Variants in GRIP1 observed in about 807,000 individuals in gnomAD.
GRIP1 encodes the protein glutamate receptor-interacting protein 1.
In GRIP1, 45 loss-of-function variants were observed where a neutral mutation model predicts 129.9. The ratio of observed to expected loss-of-function variants is 0.35; its 90% CI spans 0.27 to 0.44. The LOEUF is 0.44. GRIP1 is among the 20% of genes least tolerant of loss of function. The pLI, the probability that GRIP1 is intolerant of heterozygous loss-of-function variation, is 1.00. For synonymous variants in GRIP1, 530 were observed against 520.8 expected, an observed-to-expected ratio of 1.02 and a Z score of -0.24; for missense variants, 1,196 against 1,396.8, an observed-to-expected ratio of 0.86 and a Z score of 2.29.
At chr12:66,614,188 A>G (rs1188784977) in intron 1 of GRIP1, among the ~76,000 whole-genome samples, 2 of 151,702 alleles carry the variant, frequency 1.3e-5, no homozygotes, top group African/African-American at 2.4e-5. Flanking sequence ...TTGCTATCAC[A>G]TCTACTTCCA....
At chr12:66,687,307 C>T (rs2136301389) in intron 1 of GRIP1, among the ~76,000 whole-genome samples, 1 of 152,254 alleles carries the variant, frequency 6.6e-6, no homozygotes, top group East Asian at 1.9e-4. Flanking sequence ...CAAATACTAA[C>T]ACCTAGAATA....
intron 14 of GRIP1, among the ~76,000 whole-genome samples, chr12:66,428,537 T>C (rs574425544): frequency 8.1e-4 from 123 of 152,238 alleles, no homozygotes; most frequent in African/African-American, 2.7e-3. Flanking sequence ...ATATAGGATA[T>C]AGGGAGTTTC....
intron 1 of GRIP1, among the ~76,000 whole-genome samples, chr12:66,947,288 T>C (rs1380757910): frequency 6.6e-6 from 1 of 152,240 alleles, no homozygotes; most frequent in African/African-American, 2.4e-5. Context: ...TTCTACTTCC[T>C]GTAAGATCTA....
intron 1 of GRIP1, among the ~76,000 whole-genome samples, chr12:66,761,245 C>T (rs1843709781): frequency 6.6e-6 from 1 of 151,968 alleles, no homozygotes; most frequent in South Asian, 2.1e-4. Context: ...GTCTTTTCTC[C>T]ACTCAAAAAT....
chr12:66,540,962 CTTTTTTTTTTTAA>C (rs1221197849), intron 3 of GRIP1, among the ~76,000 whole-genome samples: 10 of 148,028 alleles, frequency 6.8e-5, no homozygotes, highest in East Asian at 2.0e-4. Context: ...TCACACCTGG[CTTTTTTTTTTTAA>C]TTTTTTTTTT....
At chr12:66,394,180 T>A (rs1261130618) in intron 17 of GRIP1, 28 bp downstream of exon 17, 1 of 1,603,576 alleles carries the variant, frequency 6.2e-7, no homozygotes, top group South Asian at 1.1e-5. Flanking sequence ...CAGACACAGG[T>A]AATTATAACA....
At chr12:66,973,823 G>C (rs1027138446) in intron 1 of GRIP1, among the ~76,000 whole-genome samples, 21 of 151,664 alleles carry the variant, frequency 1.4e-4, no homozygotes, top group African/African-American at 5.1e-4. Context: ...ATGTAATCCA[G>C]GCATTAAAAT....
At chr12:66,899,373 T>A (rs2040807235) in intron 1 of GRIP1, among the ~76,000 whole-genome samples, 1 of 152,032 alleles carries the variant, frequency 6.6e-6, no homozygotes, top group African/African-American at 2.4e-5. Context: ...AAAAAAAATT[T>A]TTTTTTTTGA....
chr12:67,034,758 C>A (rs1023575463), intron 1 of GRIP1, among the ~76,000 whole-genome samples: 1 of 152,204 alleles, frequency 6.6e-6, no homozygotes, highest in African/African-American at 2.4e-5. Context: ...GATGCTCTGA[C>A]AGCTACAACA....
chr12:66,583,086 C>A (rs1281631330), intron 2 of GRIP1, among the ~76,000 whole-genome samples: 2 of 151,662 alleles, frequency 1.3e-5, no homozygotes, highest in Non-Finnish European at 3.0e-5. Flanking sequence ...AGAACAGAGC[C>A]CTCAGAAATA....
intron 1 of GRIP1, among the ~76,000 whole-genome samples, chr12:67,017,913 C>A (rs1184340426): frequency 6.6e-6 from 1 of 152,220 alleles, no homozygotes; most frequent in African/African-American, 2.4e-5. Flanking sequence ...AATCACAGAA[C>A]ATCCCAGATG....
intron 1 of GRIP1, among the ~76,000 whole-genome samples, chr12:66,869,174 C>T (rs995951360): frequency 6.6e-5 from 10 of 151,920 alleles, no homozygotes; most frequent in Admixed American, 2.6e-4. Flanking sequence ...TATTCCCTGA[C>T]AGCCTGGCAC....
chr12:66,964,255 G>A (rs1339148332), intron 1 of GRIP1, among the ~76,000 whole-genome samples: 1 of 152,090 alleles, frequency 6.6e-6, no homozygotes, highest in African/African-American at 2.4e-5. Context: ...ATTCTAAGTA[G>A]CCAGAAATAT....
intron 1 of GRIP1, among the ~76,000 whole-genome samples, chr12:66,886,133 G>C (rs2040562305): frequency 6.6e-6 from 1 of 152,008 alleles, no homozygotes; most frequent in Admixed American, 6.6e-5. Context: ...AGGCGTGGTG[G>C]GGCACGCCTG....
At chr12:66,548,520 G>A (rs2062018046) in intron 2 of GRIP1, among the ~76,000 whole-genome samples, 1 of 152,204 alleles carries the variant, frequency 6.6e-6, no homozygotes, top group African/African-American at 2.4e-5. Flanking sequence ...AATGGGGGTA[G>A]GGTGGATATG....
At chr12:66,961,653 C>T (rs2137535465) in intron 1 of GRIP1, among the ~76,000 whole-genome samples, 1 of 152,034 alleles carries the variant, frequency 6.6e-6, no homozygotes, top group Non-Finnish European at 1.5e-5. Flanking sequence ...CTTGGGAATA[C>T]CCTTGGCCCC....
At chr12:66,933,271 C>T (rs1178819292) in intron 1 of GRIP1, among the ~76,000 whole-genome samples, 1 of 152,154 alleles carries the variant, frequency 6.6e-6, no homozygotes, top group African/African-American at 2.4e-5. Context: ...AGAGGAGCTG[C>T]ATAGAGGTTC....
intron 1 of GRIP1, among the ~76,000 whole-genome samples, chr12:66,651,501 T>C (rs1177560466): frequency 6.6e-6 from 1 of 152,230 alleles, no homozygotes; most frequent in African/African-American, 2.4e-5. Context: ...AATCAGAGAA[T>C]ACTCATGATT....
chr12:66,659,014 C>T (rs1307269277), intron 1 of GRIP1, among the ~76,000 whole-genome samples: 1 of 152,132 alleles, frequency 6.6e-6, no homozygotes, highest in Non-Finnish European at 1.5e-5. Flanking sequence ...CCTTGCCTTG[C>T]TTACCCTGCT....
Sources: gnomAD v4.1 joint callset for allele counts (sites outside exome capture counted in the v4.1 genomes callset) on GRCh38, gnomAD v4.1.1 for gene constraint, MANE v1.5 for transcripts, NCBI Gene and HGNC (gene_info 2026-07-23, HGNC 2026-07-21) for gene names.